Variants in RANBP3 observed in about 807,000 individuals in gnomAD.
RANBP3 encodes RAN binding protein 3, also known as ran-binding protein 3.
Under a neutral mutation model 77.3 loss-of-function variants are expected in RANBP3, and 14 were observed. That is an observed-to-expected ratio of 0.18 (90% CI 0.12 to 0.28). The LOEUF (loss-of-function observed/expected upper bound fraction) is 0.28. Ranked by LOEUF, RANBP3 falls within the 10% of genes least tolerant of loss-of-function variation. The probability of loss-of-function intolerance (pLI) is 1.00; values close to 1 mark genes in which losing one functional copy is unlikely to be tolerated. For missense variants in RANBP3, 586 were observed against 752.3 expected, an observed-to-expected ratio of 0.78 and a Z score of 2.59; for synonymous variants, 315 against 312.4, an observed-to-expected ratio of 1.01 and a Z score of -0.09.
intron 3 of RANBP3, among the ~76,000 whole-genome samples, chr19:5,944,173 C>T (rs989841379): frequency 1.4e-4 from 22 of 152,210 alleles, no homozygotes; most frequent in African/African-American, 5.3e-4. Context: ...AAACTCCCAA[C>T]CGATGTAAAA....
chr19:5,925,206 C>A, intron 10 of RANBP3: 1 of 497,220 alleles, frequency 2.0e-6, no homozygotes, highest in South Asian at 2.1e-5. Context: ...GGAGGGGCAG[C>A]TGGTCCGTGG....
Position 5,924,194 on chromosome 19 carries a change from T to C in RANBP3, c.997-280A>G, listed in dbSNP as rs930327398. 6.6e-6 allele frequency among the ~76,000 whole-genome samples: 1 copy of C among 152,204 alleles called. No homozygotes were observed. The highest frequency in any genetic ancestry group is 1.5e-5 in the Non-Finnish European group (1 of 68,032). Reference sequence around the variant, plus strand: ...TCATTGAAATAGAAAAAGCACAGCGTGGCCACGAAGGAAGAGAAGCTGCAG... The same window carrying C: ...TCATTGAAATAGAAAAAGCACAGCGCGGCCACGAAGGAAGAGAAGCTGCAG... On this transcript the variant is annotated intron_variant, in intron 11 of 16. Transcript: ENST00000340578. The surrounding 1 kb of genome is among the most constrained non-coding windows in gnomAD (Gnocchi z 4.7).
intron 5 of RANBP3, chr19:5,935,708 G>A (rs1175301211): frequency 2.2e-6 from 1 of 456,628 alleles, no homozygotes; most frequent in Non-Finnish European, 4.4e-6. Context: ...TAGGCCCAGA[G>A]CGTGGCCCTC....
At chr19:5,962,604 T>G (rs1397055028) in intron 1 of RANBP3, 1 of 454,332 alleles carries the variant, frequency 2.2e-6, no homozygotes, top group Non-Finnish European at 4.4e-6. Context: ...GGAGATGAAC[T>G]TGGCCCATCT....
In RANBP3 at chr19:5,958,867, A is replaced by C. The variant is rs1197668094; in HGVS notation, c.23-894T>G. ...CCTAGCGTGGAGGCCAAGCAAGAGCAGCTGTGACTCTGGTGAATGCCTGCT... is the reference window on the plus strand; with the variant it reads ...CCTAGCGTGGAGGCCAAGCAAGAGCCGCTGTGACTCTGGTGAATGCCTGCT... On this transcript the variant is annotated intron_variant, in intron 1 of 16. Coordinates refer to ENST00000340578, the MANE Select transcript of RANBP3 (RefSeq NM_007322.3). The surrounding 1 kb of genome is among the most constrained non-coding windows in gnomAD (Gnocchi z 4.4). 6.6e-6 allele frequency among the ~76,000 whole-genome samples: 1 copy of C among 152,266 alleles called. No homozygotes were observed. The highest frequency in any genetic ancestry group is 2.4e-5 in the African/African-American group (1 of 41,482).
intron 1 of RANBP3, among the ~76,000 whole-genome samples, chr19:5,963,694 G>C (rs1488316767): frequency 6.6e-6 from 1 of 152,226 alleles, no homozygotes; most frequent in Non-Finnish European, 1.5e-5. Context: ...ACACTGGTGT[G>C]TGAAGCGGGG....
chr19:5,918,685 TCA>T (rs1325264563), intron 14 of RANBP3, 47 bp from the exon 15 acceptor site: 19 of 1,594,980 alleles, frequency 1.2e-5, no homozygotes, highest in Non-Finnish European at 1.5e-5. Flanking sequence ...ACCGGCCCCC[TCA>T]CAAACAGCCA....
intron 3 of RANBP3, among the ~76,000 whole-genome samples, chr19:5,944,792 C>A (rs569638964): frequency 1.3e-5 from 2 of 152,338 alleles, no homozygotes; most frequent in East Asian, 3.9e-4. Flanking sequence ...AACAGCAGGC[C>A]CAGGACATCC....
At chr19:5,968,136 A>G (rs1367991394) in intron 1 of RANBP3, among the ~76,000 whole-genome samples, 1 of 152,250 alleles carries the variant, frequency 6.6e-6, no homozygotes, top group South Asian at 2.1e-4. Flanking sequence ...CTGAGGCAAC[A>G]TGCAAGTGGC....
chr19:5,924,730 A>T lies in RANBP3; in HGVS notation c.996+97T>A. 1 of 1,245,374 alleles carries T rather than the reference A, an allele frequency of 8.0e-7. No homozygotes were observed. The highest frequency in any genetic ancestry group is 1.2e-6 in the Non-Finnish European group (1 of 849,416). 77.1% of individuals were successfully genotyped at this position (1,245,374 alleles called of 1,614,324 possible). ...TACTGAAGGCATCCCCATCTCACAT[A>T]GGACGACACAGCAGCCCTGCTCTCC... On this transcript the variant is annotated intron_variant, in intron 11 of 16. Transcript: ENST00000340578. The surrounding 1 kb of genome is among the most constrained non-coding windows in gnomAD (Gnocchi z 4.7).
intron 13 of RANBP3, among the ~76,000 whole-genome samples, chr19:5,922,979 T>C (rs543240759): frequency 6.6e-6 from 1 of 152,248 alleles, no homozygotes; most frequent in Non-Finnish European, 1.5e-5. Context: ...CTCAAACAGA[T>C]CCTCCTCCTC....
intron 2 of RANBP3, among the ~76,000 whole-genome samples, chr19:5,957,474 T>A (rs904241268): frequency 3.3e-5 from 5 of 152,078 alleles, no homozygotes; most frequent in Non-Finnish European, 7.4e-5. Flanking sequence ...TTAGGGCCAA[T>A]AAATCCAGGC....
At chr19:5,947,620 G>A (rs988205406) in intron 3 of RANBP3, among the ~76,000 whole-genome samples, 9 of 152,218 alleles carry the variant, frequency 5.9e-5, no homozygotes, top group Admixed American at 3.9e-4. Flanking sequence ...TGTCTCTCTG[G>A]CACTGGGACA....
chr19:5,950,975 A>G (rs2058267080), intron 3 of RANBP3: 1 of 253,850 alleles, frequency 3.9e-6, no homozygotes, highest in Admixed American at 5.2e-5. Context: ...CCTAGATATC[A>G]AAGGAAGCCT....
At chr19:5,960,376 G>A (rs937322515) in intron 1 of RANBP3, among the ~76,000 whole-genome samples, 7 of 152,208 alleles carry the variant, frequency 4.6e-5, no homozygotes, top group Non-Finnish European at 1.0e-4. Context: ...ATCTGTGGAA[G>A]AGACCTTGGA....
At position 5,931,365 on chromosome 19, in the gene RANBP3, C is replaced by A. The variant is rs1360536113; in HGVS notation, c.693+39G>T. On this transcript the variant is annotated intron_variant, in intron 8 of 16. Transcript: ENST00000340578. ...AGGCTGCCCTCCCGCTCCCAAGGGGCCTAGCATGCAGCGCTTCCCTGCCTC... is the reference window on the plus strand; with the variant it reads ...AGGCTGCCCTCCCGCTCCCAAGGGGACTAGCATGCAGCGCTTCCCTGCCTC... 3 of 1,579,152 alleles carry A rather than the reference C, an allele frequency of 1.9e-6. No homozygotes were observed. The African/African-American group carries it at 4.0e-5, about 21-fold the overall frequency.
At chr19:5,963,126 C>A (rs891508025) in intron 1 of RANBP3, among the ~76,000 whole-genome samples, 6 of 152,148 alleles carry the variant, frequency 3.9e-5, no homozygotes, top group Non-Finnish European at 8.8e-5. Flanking sequence ...CTATTTGACC[C>A]AGAATCTGTC....
At chr19:5,935,809 G>A (rs554226738) in intron 5 of RANBP3, 1 of 456,724 alleles carries the variant, frequency 2.2e-6, no homozygotes, top group South Asian at 1.5e-5. Flanking sequence ...AACAAGGGTG[G>A]TCTCTTCTCA....
Position 5,921,767 on chromosome 19 carries a change from G to C in RANBP3, c.1210-446C>G, listed in dbSNP as rs1227193350. Among the ~76,000 whole-genome samples, 3 of 152,240 alleles carry C rather than the reference G, an allele frequency of 2.0e-5. No individual in the cohort carries two copies. The highest frequency in any genetic ancestry group is 7.2e-5 in the African/African-American group (3 of 41,462). On this transcript the variant is annotated intron_variant, in intron 13 of 16. Transcript: ENST00000340578. This position sits in a 1 kb window ranked among gnomAD's most constrained non-coding sequence, Gnocchi z 5.3. ...GAACATTTGTTCGTGTTCACACACA[G>C]ATCGCACATGAACGTGCACAGCACC...
Sources: allele counts gnomAD v4.1 joint callset (sites outside exome capture counted in the v4.1 genomes callset), GRCh38; gene constraint gnomAD v4.1.1; non-coding constraint Gnocchi (gnomAD v3.1); transcripts MANE v1.5; gene names NCBI Gene and HGNC (gene_info 2026-07-23, HGNC 2026-07-21).